UBE4A: variants seen among roughly 807,000 people sequenced by gnomAD.
UBE4A encodes ubiquitin conjugation factor E4 A.
UBE4A carries 48 observed loss-of-function variants against 117.9 expected under a neutral mutation model. That is an observed-to-expected ratio of 0.41 (90% CI 0.32 to 0.52). UBE4A has a LOEUF of 0.52. Ranked by LOEUF, UBE4A falls within the 20% of genes least tolerant of loss-of-function variation. The pLI, the probability that UBE4A is intolerant of heterozygous loss-of-function variation, is 0.33. For missense variants in UBE4A, 1,067 were observed against 1,296.3 expected, an observed-to-expected ratio of 0.82 and a Z score of 2.72; for synonymous variants, 407 against 450.0, an observed-to-expected ratio of 0.90 and a Z score of 1.21.
intron 8 of UBE4A, among the ~76,000 whole-genome samples, chr11:118,374,318 C>T (rs549417454): frequency 6.6e-6 from 1 of 152,204 alleles, no homozygotes; most frequent in African/African-American, 2.4e-5. Context: ...TCTTCCTTTT[C>T]GTGTCTCCAC....
rs1333160615 is a variant in UBE4A, at chr11:118,391,082, A to T, written c.2916+278A>T. On this transcript the variant is annotated intron_variant, in intron 18 of 19. Transcript: ENST00000252108. The stretch of plus-strand genomic sequence containing the variant: ...CTGATTTTTACTCTATTTCAGGGAG[A>T]AAAAGAGCATTACCAAGAGAAAATA... 2.0e-5 allele frequency among the ~76,000 whole-genome samples: 3 copies of T among 152,322 alleles called. No homozygotes were observed. The East Asian group carries it at 5.8e-4, about 29-fold the overall frequency.
Position 118,373,597 on chromosome 11 carries a change from C to G in UBE4A, c.1028C>G (p.Pro343Arg), listed in dbSNP as rs374969961. ...AGTATCTCCTGCTTATTAAAGACTCCGGGTGTTGTAGAAAATCATGGCTAC... is the reference window on the plus strand; with the variant it reads ...AGTATCTCCTGCTTATTAAAGACTCGGGGTGTTGTAGAAAATCATGGCTAC... ...ILSISCLLKT[P>R]GVVENHGYFL... The change falls in exon 8 of 20, where the codon CCG (proline) becomes CGG (arginine). Residue 343 changes from proline (P) to arginine (R), a missense_variant. By Grantham distance (103) the Pro-to-Arg change is moderately radical. Around this residue, in one of 3 missense-constraint regions of UBE4A, gnomAD observed 1,001 missense variants for 1,184.0 expected, o/e 0.85. Coordinates refer to ENST00000252108, the MANE Select transcript of UBE4A (RefSeq NM_001204077.2). 1 of 1,614,124 alleles carries G rather than the reference C, an allele frequency of 6.2e-7. No homozygotes were observed. Among genetic ancestry groups the G allele is most frequent in the Non-Finnish European group, 8.5e-7 (1 of 1,180,020 alleles).
At position 118,396,551 on chromosome 11, in the gene UBE4A, T is replaced by TA; in HGVS notation, c.*111_*112insA. The stretch of plus-strand genomic sequence containing the variant: ...TTTCTTTCTTCTTTTCTTTTTCTTT[T>TA]TTTTTTTTTTTTTTACTAAATTAGA... On this transcript the variant is annotated 3_prime_UTR_variant, in exon 20 of 20. Coordinates refer to ENST00000252108, the MANE Select transcript of UBE4A (RefSeq NM_001204077.2). 1 of 1,184,270 alleles carries TA rather than the reference T, an allele frequency of 8.4e-7. No individual in the cohort carries two copies. Among genetic ancestry groups the TA allele is most frequent in the East Asian group, 3.3e-5 (1 of 30,498 alleles). The allele number at this position is 1,184,270 out of a possible 1,614,324, so 73.4% of individuals were successfully genotyped here.
At position 118,374,962 on chromosome 11, in the gene UBE4A, A is replaced by T. The variant is rs782476130; in HGVS notation, c.1183A>T (p.Thr395Ser). ...GAACTTACTCCAGCTCTCTCCAGAA[A>T]CCAAACACTGTATCTTGTCCTGGCT... is the stretch of plus-strand genomic sequence containing the variant. Reference protein sequence around the residue: ...LKNLLQLSPETKHCILSWLGN... With the variant: ...LKNLLQLSPESKHCILSWLGN... The change falls in exon 9 of 20, where the codon ACC (threonine) becomes TCC (serine). Residue 395 changes from threonine (T) to serine (S), a missense_variant. Thr to Ser is a moderately conservative substitution (Grantham distance 58, BLOSUM62 1). Coordinates refer to ENST00000252108, the MANE Select transcript of UBE4A (RefSeq NM_001204077.2). 1.3e-5 allele frequency: 20 copies of T among 1,593,086 alleles called. No homozygotes were observed. The highest frequency in any genetic ancestry group is 3.4e-5 in the Admixed American group (2 of 58,630).
intron 1 of UBE4A, among the ~76,000 whole-genome samples, chr11:118,363,281 C>T (rs55909802): frequency 0.015 from 2,226 of 152,226 alleles, 63 homozygotes; most frequent in African/African-American, 0.051. Flanking sequence ...GTGACTCATG[C>T]CTATAATTCC....
chr11:118,365,464 A>G (rs542402962), intron 2 of UBE4A, among the ~76,000 whole-genome samples: 4 of 152,326 alleles, frequency 2.6e-5, no homozygotes, highest in Admixed American at 2.0e-4. Context: ...AACAGATGCC[A>G]GTCGTGATCC....
At position 118,396,404 on chromosome 11, in the gene UBE4A, T is replaced by C. The variant is rs781889414; in HGVS notation, c.3165T>C (p.Leu1055=). 11 of 1,613,828 alleles carry C rather than the reference T, an allele frequency of 6.8e-6. No individual in the cohort carries two copies. Among genetic ancestry groups the C allele is most frequent in the Non-Finnish European group, 9.3e-6 (11 of 1,179,916 alleles). Residue 1055 remains leucine, a synonymous_variant, in exon 20 of 20, where the codon CTT becomes CTC. Coordinates refer to ENST00000252108, the MANE Select transcript of UBE4A (RefSeq NM_001204077.2). ...TAAAAGAAAAAATCCAACGGTGGCTTGCAGAGAGGAAACAACAAAAGGAGC... is the reference window on the plus strand; with the variant it reads ...TAAAAGAAAAAATCCAACGGTGGCTCGCAGAGAGGAAACAACAAAAGGAGC... ...TELKEKIQRW[L]AERKQQKEQL...
At chr11:118,378,790 A>G (rs1555125803) in intron 10 of UBE4A, 1 of 152,278 alleles carries the variant, frequency 6.6e-6, no homozygotes, top group Non-Finnish European at 1.5e-5. Flanking sequence ...AGCTCAAGAC[A>G]TTATCTACAG....
intron 17 of UBE4A, among the ~76,000 whole-genome samples, chr11:118,390,318 C>T (rs1948800046): frequency 6.7e-6 from 1 of 149,696 alleles, no homozygotes; most frequent in South Asian, 2.1e-4. Flanking sequence ...TCACATGATA[C>T]TTGATAGACT....
intron 1 of UBE4A, 60 bp from the exon 2 acceptor site, chr11:118,364,980 G>T (rs776101297): frequency 7.4e-5 from 98 of 1,326,030 alleles, no homozygotes; most frequent in Middle Eastern, 6.8e-4. Flanking sequence ...AACAACCACA[G>T]GTATATTACA....
In UBE4A at chr11:118,373,193, T is replaced by C. The variant is rs769758062; in HGVS notation, c.829T>C (p.Leu277=). The change falls in exon 7 of 20, where the codon TTG becomes CTG. Residue 277 remains leucine (L), a synonymous_variant. Transcript: ENST00000252108. ...EVMIPVFDIL[L]GRIKDLELCQ... ...CATGATTCCAGTGTTTGATATTTTA[T>C]TGGGCCGAATAAAAGATCTAGAGCT... 3 of 1,613,880 alleles carry C rather than the reference T, an allele frequency of 1.9e-6. No homozygotes were observed. Among genetic ancestry groups the C allele is most frequent in the East Asian group, 2.2e-5 (1 of 44,864 alleles).
chr11:118,384,840 T>C lies in UBE4A; in HGVS notation c.2307T>C (p.Ala769=). 2 of 1,613,754 alleles carry C rather than the reference T, an allele frequency of 1.2e-6. No homozygotes were observed. Among genetic ancestry groups the C allele is most frequent in the Non-Finnish European group, 1.7e-6 (2 of 1,179,938 alleles). The part of the protein sequence containing the change: ...DTYRESIKDL[A]DYASKNLEAM... ...TGGGCTGGGACTTACAGGATTTGGC[T>C]GACTATGCCTCTAAGAATTTAGAAG... The change falls in exon 15 of 20, where the codon GCT becomes GCC. Residue 769 remains alanine (A), a synonymous_variant. Transcript: ENST00000252108.
Position 118,381,505 on chromosome 11 carries a change from T to G in UBE4A, c.1991T>G (p.Phe664Cys). 1 of 1,614,056 alleles carries G rather than the reference T, an allele frequency of 6.2e-7. No homozygotes were observed. The highest frequency in any genetic ancestry group is 1.1e-5 in the South Asian group (1 of 91,066). Residue 664 changes from phenylalanine to cysteine, a missense_variant, in exon 12 of 20, where the codon TTC (phenylalanine) becomes TGC (cysteine). Transcript: ENST00000252108. Reference protein sequence around the residue: ...LEHVLHFITIFTGSIERMKNP... With the variant: ...LEHVLHFITICTGSIERMKNP... ...CATGTCCTTCACTTTATCACCATTT[T>G]CACTGGAAGCATAGAAAGGTGAAGT...
intron 18 of UBE4A, among the ~76,000 whole-genome samples, chr11:118,392,462 A>G (rs1948828281): frequency 6.6e-6 from 1 of 152,136 alleles, no homozygotes; most frequent in African/African-American, 2.4e-5. Flanking sequence ...TATCTGATGT[A>G]TTTCTTTTCC....
intron 8 of UBE4A, among the ~76,000 whole-genome samples, chr11:118,374,653 G>GA (rs1948635581): frequency 6.6e-6 from 1 of 152,206 alleles, no homozygotes; most frequent in African/African-American, 2.4e-5. Flanking sequence ...GCCCTTTGCA[G>GA]AAAAAATTTA....
At position 118,381,589 on chromosome 11, in the gene UBE4A, C is replaced by T. The variant is rs1948706098; in HGVS notation, c.2009+66C>T. On this transcript the variant is annotated intron_variant, in intron 12 of 19. Coordinates refer to ENST00000252108, the MANE Select transcript of UBE4A (RefSeq NM_001204077.2). Reference sequence around the variant, plus strand: ...TAAAACATTCAGAAGACTTCTAAACCAAGAAATAAACAAGCCTGAATCATA... The same window carrying T: ...TAAAACATTCAGAAGACTTCTAAACTAAGAAATAAACAAGCCTGAATCATA... The T allele has an allele frequency of 9.6e-6, 15 of 1,569,434 alleles. No individual in the cohort carries two copies. The South Asian group carries it at 1.6e-4, about 17-fold the overall frequency.
intron 18 of UBE4A, among the ~76,000 whole-genome samples, 155 bp downstream of exon 18, chr11:118,390,959 G>T (rs142199606): frequency 4.6e-5 from 7 of 152,104 alleles, no homozygotes; most frequent in Non-Finnish European, 8.8e-5. Flanking sequence ...CTATGATCAT[G>T]CCTGTGGATA....
At chr11:118,394,104 T>C (rs1948846004) in intron 19 of UBE4A, among the ~76,000 whole-genome samples, 1 of 152,154 alleles carries the variant, frequency 6.6e-6, no homozygotes, top group South Asian at 2.1e-4. Flanking sequence ...TAACTTTTTT[T>C]AGTCCGGCAT....
At chr11:118,395,331 G>GAA (rs34524305) in intron 19 of UBE4A, among the ~76,000 whole-genome samples, 2,521 of 97,932 alleles carry the variant, frequency 0.026, 41 homozygotes, top group Middle Eastern at 0.084. Flanking sequence ...CTCCATCTCA[G>GAA]AAAAAAAAAA....
Sources: allele counts gnomAD v4.1 joint callset (sites outside exome capture counted in the v4.1 genomes callset), GRCh38; gene constraint gnomAD v4.1.1; regional missense constraint gnomAD v4.1.1; transcripts MANE v1.5; gene names NCBI Gene and HGNC (gene_info 2026-07-23, HGNC 2026-07-21).